IL18RAP: variants seen among roughly 807,000 people sequenced by gnomAD.
IL18RAP encodes interleukin 18 receptor accessory protein.
A neutral mutation model predicts 58.1 loss-of-function variants in IL18RAP; 37 were observed. The observed-to-expected ratio is 0.64, with a 90% CI of 0.49 to 0.84. The LOEUF (loss-of-function observed/expected upper bound fraction) is 0.84, where lower values mean the gene tolerates loss of function less well. Among genes scored for constraint, IL18RAP ranks in the 40% least tolerant of loss-of-function variants. The pLI, the probability that IL18RAP is intolerant of heterozygous loss-of-function variation, is 0.00. For missense variants in IL18RAP, 667 were observed against 704.8 expected, an observed-to-expected ratio of 0.95 and a Z score of 0.61; for synonymous variants, 268 against 257.5, an observed-to-expected ratio of 1.04 and a Z score of -0.39.
In IL18RAP at chr2:102,423,292, C is replaced by G. The variant is rs1205678426; in HGVS notation, c.15C>G (p.Gly5=). 18 of 1,613,862 alleles carry G rather than the reference C, an allele frequency of 1.1e-5. No homozygotes were observed. The highest frequency in any genetic ancestry group is 1.4e-5 in the Non-Finnish European group (16 of 1,179,924). Residue 5 remains glycine, a synonymous_variant, in exon 1 of 10, where the codon GGC becomes GGG. Coordinates refer to ENST00000687160, the MANE Select transcript of IL18RAP (RefSeq NM_001393487.1). MLCL[G]WIFLWLVAGE... is the part of the protein sequence containing the mutation. ...ACGGGAGAACAATGCTCTGTTTGGG[C>G]TGGATATTTCTTTGGCTTGTTGCAG...
chr2:102,418,764 T>A (rs1362489643), upstream of IL18RAP: 1 of 152,366 alleles, frequency 6.6e-6, no homozygotes, highest in African/African-American at 2.4e-5. Context: ...TGAGCTGGTG[T>A]AACGTGGCTA....
intron 4 of IL18RAP, among the ~76,000 whole-genome samples, chr2:102,438,395 C>T (rs1682889360): frequency 6.6e-6 from 1 of 152,210 alleles, no homozygotes; most frequent in African/African-American, 2.4e-5. Flanking sequence ...AAGTGAAACT[C>T]TCCTGCCCCT....
At chr2:102,427,898 A>G (rs1456349289) in intron 3 of IL18RAP, among the ~76,000 whole-genome samples, 2 of 150,864 alleles carry the variant, frequency 1.3e-5, no homozygotes, top group Non-Finnish European at 3.0e-5. Context: ...ATACAATTTC[A>G]TTCTTCTCCC....
Position 102,445,236 on chromosome 2 carries a change from T to G in IL18RAP, c.968T>G (p.Leu323Trp). ...KDEIIERNIILEKVTQRDLRR... is the reference protein window; with the variant it reads ...KDEIIERNIIWEKVTQRDLRR... ...GAAATCATTGAGCGTAATATCATCT[T>G]GGAAAAAGTCACTCAGCGTGATCTT... The change falls in exon 7 of 10, where the codon TTG (leucine) becomes TGG (tryptophan). Residue 323 changes from leucine to tryptophan, a missense_variant. Coordinates refer to ENST00000687160, the MANE Select transcript of IL18RAP (RefSeq NM_001393487.1). The G allele has an allele frequency of 6.2e-7, 1 of 1,614,154 alleles. No individual in the cohort carries two copies.
intron 8 of IL18RAP, among the ~76,000 whole-genome samples, chr2:102,450,407 A>G (rs915536062): frequency 1.3e-5 from 2 of 152,152 alleles, no homozygotes; most frequent in African/African-American, 4.8e-5. Context: ...CATATGGGCC[A>G]TCAACTCTCC....
At chr2:102,419,319 T>C (rs2293224), upstream of IL18RAP, 81,349 of 152,028 alleles carry the variant, frequency 0.54, 23,623 homozygotes, top group African/African-American at 0.73. Flanking sequence ...AAAGCCACCA[T>C]GGAGCATCTG....
intron 5 of IL18RAP, among the ~76,000 whole-genome samples, chr2:102,442,302 A>T (rs907487453): frequency 5.9e-5 from 9 of 151,652 alleles, no homozygotes; most frequent in East Asian, 3.8e-4. Flanking sequence ...AATAATATAA[A>T]TTTTTTTATT....
At position 102,443,181 on chromosome 2, in the gene IL18RAP, C is replaced by G. The variant is rs756679318; in HGVS notation, c.797-19C>G. 1.2e-6 allele frequency: 2 copies of G among 1,604,406 alleles called. No homozygotes were observed. The highest frequency in any genetic ancestry group is 1.1e-5 in the South Asian group (1 of 89,974). On this transcript the variant is annotated intron_variant, in intron 5 of 9. Coordinates refer to ENST00000687160, the MANE Select transcript of IL18RAP (RefSeq NM_001393487.1). Reference sequence around the variant, plus strand: ...CTCACCAGCTTCCTTCTTGTTTTCTCTGGCCTCTTCATTTTCAGGAAAGCC... The same window carrying G: ...CTCACCAGCTTCCTTCTTGTTTTCTGTGGCCTCTTCATTTTCAGGAAAGCC...
upstream of IL18RAP, among the ~76,000 whole-genome samples, chr2:102,419,103 T>G (rs1216030444): frequency 6.6e-6 from 1 of 152,168 alleles, no homozygotes; most frequent in Non-Finnish European, 1.5e-5. Context: ...AATTTACATC[T>G]CCATATATAC....
chr2:102,434,166 T>C (rs754485379), intron 3 of IL18RAP: 1 of 152,224 alleles, frequency 6.6e-6, no homozygotes, highest in Non-Finnish European at 1.5e-5. Flanking sequence ...CAATCATCTG[T>C]ATGCTGTCTA....
At chr2:102,435,741 T>C (rs144463120) in intron 3 of IL18RAP, among the ~76,000 whole-genome samples, 36 of 152,252 alleles carry the variant, frequency 2.4e-4, no homozygotes, top group African/African-American at 8.4e-4. Context: ...AAGAAATCGA[T>C]AATACTGCAG....
chr2:102,441,205 A>C (rs1417430108), intron 4 of IL18RAP, 107 bp from the exon 5 acceptor site: 6 of 771,684 alleles, frequency 7.8e-6, no homozygotes, highest in South Asian at 1.7e-5. Flanking sequence ...ATGTGAAGAC[A>C]GAGCTCCAAG....
chr2:102,438,529 C>G (rs998713962), intron 4 of IL18RAP, among the ~76,000 whole-genome samples: 4 of 152,144 alleles, frequency 2.6e-5, no homozygotes, highest in African/African-American at 7.2e-5. Flanking sequence ...ATACCCCACT[C>G]GCACCACTTT....
At chr2:102,424,189 A>G (rs1197252630) in intron 2 of IL18RAP, 42 bp from the exon 3 acceptor site, 1 of 1,609,430 alleles carries the variant, frequency 6.2e-7, no homozygotes, top group African/African-American at 1.3e-5. Flanking sequence ...TCTATTATCT[A>G]GACAAAATAT....
intron 8 of IL18RAP, among the ~76,000 whole-genome samples, chr2:102,449,771 T>C (rs938680810): frequency 1.3e-4 from 20 of 152,176 alleles, no homozygotes; most frequent in Non-Finnish European, 1.5e-5. Context: ...GGATTTCACA[T>C]GATGTGGAAG....
intron 8 of IL18RAP, among the ~76,000 whole-genome samples, chr2:102,450,273 T>C (rs1267456533): frequency 2.4e-3 from 2 of 828 alleles, no homozygotes; most frequent in Non-Finnish European, 7.5e-3. Context: ...AATGGACATT[T>C]ATCTTGCACC....
intron 8 of IL18RAP, 51 bp from the exon 9 acceptor site, chr2:102,450,797 T>TA (rs759964479): frequency 1.6e-4 from 201 of 1,238,464 alleles, no homozygotes; most frequent in African/African-American, 2.4e-4. Context: ...ACCATAACAG[T>TA]AAAAAAAAGA....
At chr2:102,442,421 ACT>A (rs1683161522) in intron 5 of IL18RAP, among the ~76,000 whole-genome samples, 1 of 152,204 alleles carries the variant, frequency 6.6e-6, no homozygotes, top group East Asian at 1.9e-4. Context: ...GTGTGTTCTG[ACT>A]CTAGAAATAG....
chr2:102,441,554 C>T (rs542696963), intron 5 of IL18RAP, among the ~76,000 whole-genome samples, 177 bp downstream of exon 5: 8 of 152,342 alleles, frequency 5.3e-5, no homozygotes, highest in Admixed American at 5.2e-4. Context: ...AGCCTCAGTA[C>T]TTAAATCCGC....
Sources: gnomAD v4.1 joint callset for allele counts (sites outside exome capture counted in the v4.1 genomes callset) on GRCh38, gnomAD v4.1.1 for gene constraint, MANE v1.5 for transcripts, NCBI Gene and HGNC (gene_info 2026-07-23, HGNC 2026-07-21) for gene names.